Variants in FHIT observed in about 807,000 individuals in gnomAD.
The protein encoded by FHIT is fragile histidine triad diadenosine triphosphatase.
Under a neutral mutation model 17.9 loss-of-function variants are expected in FHIT, and 19 were observed. That is an observed-to-expected ratio of 1.06 (90% CI 0.74 to 1.56). FHIT has a LOEUF of 1.56. Among genes scored for constraint, FHIT ranks in the 40% most tolerant of loss-of-function variants. The pLI is 0.00. For synonymous variants in FHIT, 81 were observed against 69.7 expected, an observed-to-expected ratio of 1.16 and a Z score of -0.81; for missense variants, 248 against 189.2, an observed-to-expected ratio of 1.31 and a Z score of -1.82.
In FHIT at chr3:60,584,268, A is replaced by T. The variant is rs533221959; in HGVS notation, c.-17-47289T>A. Among the ~76,000 whole-genome samples, 20 of 152,180 alleles carry T rather than the reference A, an allele frequency of 1.3e-4. No homozygotes were observed. In the South Asian group the frequency reaches 3.9e-3, roughly 30 times the overall value. Reference sequence around the variant, plus strand: ...GCACCACAGAAATTCAGAAATGTGTATTCACAAGTGTTACAAATTAGGCTT... The same window carrying T: ...GCACCACAGAAATTCAGAAATGTGTTTTCACAAGTGTTACAAATTAGGCTT... On this transcript the variant is annotated intron_variant, in intron 4 of 9. Transcript: ENST00000492590.
chr3:60,100,449 T>C (rs1252456235), intron 5 of FHIT, among the ~76,000 whole-genome samples: 1 of 152,122 alleles, frequency 6.6e-6, no homozygotes, highest in Non-Finnish European at 1.5e-5. Context: ...ACAAACAAAA[T>C]CACTTGCTTT....
chr3:61,038,194 A>C (rs1018784316), intron 3 of FHIT, among the ~76,000 whole-genome samples: 1 of 152,258 alleles, frequency 6.6e-6, no homozygotes, highest in Non-Finnish European at 1.5e-5. Context: ...TCTCAGCTTC[A>C]ATAAAACAGG....
chr3:59,934,535 T>C (rs1706135380), intron 7 of FHIT, among the ~76,000 whole-genome samples: 1 of 152,132 alleles, frequency 6.6e-6, no homozygotes, highest in Non-Finnish European at 1.5e-5. Context: ...TTTAAATTCT[T>C]AAAGCTATTT....
At chr3:60,455,686 TG>T (rs1389171586) in intron 5 of FHIT, among the ~76,000 whole-genome samples, 1 of 151,952 alleles carries the variant, frequency 6.6e-6, no homozygotes, top group Non-Finnish European at 1.5e-5. Flanking sequence ...GCAACCTACA[TG>T]GGAAAATAAC....
At chr3:60,333,386 TAC>T (rs1710080863) in intron 5 of FHIT, among the ~76,000 whole-genome samples, 3 of 152,156 alleles carry the variant, frequency 2.0e-5, no homozygotes, top group Admixed American at 1.3e-4. Flanking sequence ...AAGAAGTAGA[TAC>T]AGTTAGTTTA....
At chr3:60,085,297 C>A (rs1195016193) in intron 5 of FHIT, among the ~76,000 whole-genome samples, 3 of 152,220 alleles carry the variant, frequency 2.0e-5, no homozygotes, top group East Asian at 1.9e-4. Context: ...TGTCCAGGTG[C>A]CTCTGATTTT....
At chr3:59,938,830 T>C (rs1706368270) in intron 7 of FHIT, among the ~76,000 whole-genome samples, 1 of 152,160 alleles carries the variant, frequency 6.6e-6, no homozygotes, top group Non-Finnish European at 1.5e-5. Context: ...CCAGGAGCTC[T>C]GATTTGATAG....
chr3:61,227,227 T>C (rs1016617097), intron 1 of FHIT, among the ~76,000 whole-genome samples: 1 of 152,178 alleles, frequency 6.6e-6, no homozygotes, highest in African/African-American at 2.4e-5. Flanking sequence ...ATGGAGTAAA[T>C]GACGCCATCA....
chr3:61,094,123 AGT>A (rs146715486), intron 2 of FHIT, among the ~76,000 whole-genome samples: 12 of 150,142 alleles, frequency 8.0e-5, no homozygotes, highest in Non-Finnish European at 1.2e-4. Context: ...AATGCAACCA[AGT>A]GTGTGTGTGT....
At chr3:60,372,728 C>A (rs531141418) in intron 5 of FHIT, among the ~76,000 whole-genome samples, 13 of 152,272 alleles carry the variant, frequency 8.5e-5, no homozygotes, top group African/African-American at 2.9e-4. Flanking sequence ...TCTCAATTTG[C>A]TTTAGGATGT....
chr3:60,142,069 G>C (rs1306253169), intron 5 of FHIT, among the ~76,000 whole-genome samples: 1 of 152,170 alleles, frequency 6.6e-6, no homozygotes, highest in African/African-American at 2.4e-5. Context: ...CACAAGAAAA[G>C]AGAAAAGAAT....
At chr3:60,512,902 T>A (rs1026746429) in intron 5 of FHIT, among the ~76,000 whole-genome samples, 9 of 152,304 alleles carry the variant, frequency 5.9e-5, no homozygotes, top group Middle Eastern at 3.4e-3. Context: ...AATTTATTAA[T>A]TTATGAATAA....
At chr3:61,227,988 A>C (rs890381215) in intron 1 of FHIT, among the ~76,000 whole-genome samples, 8 of 152,170 alleles carry the variant, frequency 5.3e-5, no homozygotes, top group African/African-American at 1.2e-4. Flanking sequence ...TGTAGTTATT[A>C]ATCACCAGCA....
intron 2 of FHIT, among the ~76,000 whole-genome samples, chr3:61,070,139 T>G (rs2034754423): frequency 6.6e-6 from 1 of 152,090 alleles, no homozygotes; most frequent in Non-Finnish European, 1.5e-5. Context: ...AATGATCCAC[T>G]CAACTCGGCT....
intron 7 of FHIT, among the ~76,000 whole-genome samples, chr3:59,973,985 G>GAA (rs5849314): frequency 0.05 from 7,371 of 148,454 alleles, 224 homozygotes; most frequent in Admixed American, 0.1. Context: ...ATAAAGAAAA[G>GAA]AAAAAAAAAA....
chr3:60,110,404 G>T (rs967414480), intron 5 of FHIT, among the ~76,000 whole-genome samples: 2 of 152,092 alleles, frequency 1.3e-5, no homozygotes, highest in African/African-American at 4.8e-5. Context: ...TATACTTTCT[G>T]ATCAGGACAA....
chr3:59,810,778 T>G (rs1271050946), intron 8 of FHIT, among the ~76,000 whole-genome samples: 1 of 152,220 alleles, frequency 6.6e-6, no homozygotes, highest in East Asian at 1.9e-4. Flanking sequence ...TTCAACTTCC[T>G]TCCAAGCTTA....
chr3:60,644,046 T>C (rs1577018736), intron 4 of FHIT, among the ~76,000 whole-genome samples: 1 of 152,190 alleles, frequency 6.6e-6, no homozygotes, highest in Non-Finnish European at 1.5e-5. Context: ...CCATGGCTGG[T>C]AGAGCTTGGC....
chr3:60,564,755 A>G (rs1352254879), intron 4 of FHIT, among the ~76,000 whole-genome samples: 1 of 152,214 alleles, frequency 6.6e-6, no homozygotes, highest in African/African-American at 2.4e-5. Flanking sequence ...GGGTGAGCAA[A>G]GAAAGTGATT....
Sources: allele counts gnomAD v4.1 joint callset (sites outside exome capture counted in the v4.1 genomes callset), GRCh38; gene constraint gnomAD v4.1.1; transcripts MANE v1.5; gene names NCBI Gene and HGNC (gene_info 2026-07-23, HGNC 2026-07-21).